TENM3: variants seen among roughly 807,000 people sequenced by gnomAD.
TENM3 encodes the protein teneurin-3.
TENM3 carries 63 observed loss-of-function variants against 255.1 expected under a neutral mutation model. The ratio of observed to expected loss-of-function variants is 0.25; its 90% CI spans 0.20 to 0.30. The LOEUF (loss-of-function observed/expected upper bound fraction) is 0.30. Among genes scored for constraint, TENM3 ranks in the 10% least tolerant of loss-of-function variants. The pLI, the probability that TENM3 is intolerant of heterozygous loss-of-function variation, is 1.00. For missense variants in TENM3, 2,929 were observed against 3,461.1 expected, an observed-to-expected ratio of 0.85 and a Z score of 3.86; for synonymous variants, 1,306 against 1,322.3, an observed-to-expected ratio of 0.99 and a Z score of 0.27.
intron 1 of TENM3, among the ~76,000 whole-genome samples, chr4:182,278,646 G>A (rs1760165194): frequency 6.8e-6 from 1 of 147,532 alleles, no homozygotes; most frequent in Non-Finnish European, 1.5e-5. Flanking sequence ...CTTTCCCAGT[G>A]CCTGAAGTCC....
chr4:182,739,942 G>A (rs1432371152), intron 18 of TENM3, among the ~76,000 whole-genome samples: 2 of 152,128 alleles, frequency 1.3e-5, no homozygotes, highest in Admixed American at 1.3e-4. Flanking sequence ...AGGCTGAGGT[G>A]GGAGAATCTC....
chr4:182,644,223 C>G (rs1514483), intron 5 of TENM3, among the ~76,000 whole-genome samples: 43,412 of 152,098 alleles, frequency 0.29, 7,536 homozygotes, highest in Non-Finnish European at 0.4. Flanking sequence ...ACCCTTCCTT[C>G]CCATCCATTT....
the TENM3 span, among the ~76,000 whole-genome samples, chr4:182,002,894 C>A: frequency 6.6e-6 from 1 of 152,006 alleles, no homozygotes; most frequent in Non-Finnish European, 1.5e-5. Context: ...AAAACACGGC[C>A]TTTATACGAA....
intron 1 of TENM3, among the ~76,000 whole-genome samples, chr4:182,172,733 A>G (rs957578933): frequency 3.3e-5 from 5 of 152,214 alleles, no homozygotes; most frequent in African/African-American, 1.2e-4. Flanking sequence ...ATATGCAAAG[A>G]CCATGTTAAA....
chr4:181,997,339 G>A, the TENM3 span, among the ~76,000 whole-genome samples: 29,613 of 152,016 alleles, frequency 0.19, 3,011 homozygotes, highest in Middle Eastern at 0.22. Context: ...ACCTTTCAAC[G>A]GAGAAGAAAA....
the TENM3 span, among the ~76,000 whole-genome samples, chr4:181,772,383 A>C: frequency 1.3e-5 from 2 of 152,164 alleles, no homozygotes; most frequent in Admixed American, 6.5e-5. Context: ...TTCTCAAAAA[A>C]AAAATGATAA....
intron 1 of TENM3, among the ~76,000 whole-genome samples, chr4:182,174,664 A>C (rs1213650597): frequency 1.3e-5 from 2 of 152,124 alleles, no homozygotes; most frequent in Non-Finnish European, 2.9e-5. Context: ...GCGTATTAGA[A>C]AATCAAGAAA....
At chr4:181,647,863 AAC>A in the TENM3 span, among the ~76,000 whole-genome samples, 2 of 152,184 alleles carry the variant, frequency 1.3e-5, no homozygotes, top group African/African-American at 4.8e-5. Flanking sequence ...ATAGGCTCTG[AAC>A]ACAGTGTCTG....
the TENM3 span, among the ~76,000 whole-genome samples, chr4:181,529,900 C>G: frequency 6.6e-6 from 1 of 152,200 alleles, no homozygotes; most frequent in Non-Finnish European, 1.5e-5. Flanking sequence ...CTCTAAAATA[C>G]AAACTTCCTA....
intron 4 of TENM3, among the ~76,000 whole-genome samples, chr4:182,623,616 C>T (rs1750514202): frequency 6.6e-6 from 1 of 152,126 alleles, no homozygotes. Flanking sequence ...AGGTGTGAGC[C>T]ACCGCACCCG....
intron 22 of TENM3, among the ~76,000 whole-genome samples, chr4:182,763,176 T>TA (rs1365402223): frequency 8.5e-5 from 13 of 152,182 alleles, no homozygotes; most frequent in Non-Finnish European, 1.9e-4. Flanking sequence ...CTGAAAAACT[T>TA]ATAGTGTATT....
At chr4:182,536,533 C>G (rs574641933) in intron 3 of TENM3, among the ~76,000 whole-genome samples, 29 of 152,308 alleles carry the variant, frequency 1.9e-4, no homozygotes, top group Middle Eastern at 6.8e-3. Flanking sequence ...TCCTGGCCGC[C>G]GCAAAAAGTA....
At chr4:182,324,661 C>A (rs529037307) in intron 2 of TENM3, among the ~76,000 whole-genome samples, 3 of 152,246 alleles carry the variant, frequency 2.0e-5, no homozygotes, top group Non-Finnish European at 4.4e-5. Context: ...GTGAAGAAAC[C>A]CATCTTTCCC....
chr4:182,671,613 C>T (rs545532206), intron 6 of TENM3, among the ~76,000 whole-genome samples: 1 of 152,262 alleles, frequency 6.6e-6, no homozygotes, highest in Non-Finnish European at 1.5e-5. Flanking sequence ...ATAGCAGAAG[C>T]TATGGAAGTC....
chr4:182,387,869 G>A (rs1228395776), intron 3 of TENM3, among the ~76,000 whole-genome samples: 1 of 149,580 alleles, frequency 6.7e-6, no homozygotes, highest in African/African-American at 2.5e-5. Flanking sequence ...CATTCTTGAA[G>A]TCAGTGAGAC....
At chr4:181,646,791 A>T in the TENM3 span, among the ~76,000 whole-genome samples, 25,570 of 152,080 alleles carry the variant, frequency 0.17, 2,564 homozygotes, top group East Asian at 0.31. Flanking sequence ...GCAGAATCAC[A>T]GTTTTTATAA....
chr4:182,104,528 T>C, the TENM3 span, among the ~76,000 whole-genome samples: 1 of 124,010 alleles, frequency 8.1e-6, no homozygotes, highest in African/African-American at 3.1e-5. Context: ...TTTTTTTTTT[T>C]TGAGACAGAG....
the TENM3 span, among the ~76,000 whole-genome samples, chr4:181,607,560 C>T: frequency 6.6e-6 from 1 of 151,742 alleles, no homozygotes; most frequent in Non-Finnish European, 1.5e-5. Context: ...GATTACCATG[C>T]CCAGCTAATA....
At chr4:181,862,178 TA>T in the TENM3 span, among the ~76,000 whole-genome samples, 1 of 152,148 alleles carries the variant, frequency 6.6e-6, no homozygotes, top group African/African-American at 2.4e-5. Context: ...TAATTAAGCT[TA>T]AAAAGGAGCA....
Sources: gnomAD v4.1 joint callset for allele counts (sites outside exome capture counted in the v4.1 genomes callset) on GRCh38, gnomAD v4.1.1 for gene constraint, MANE v1.5 for transcripts, NCBI Gene and HGNC (gene_info 2026-07-23, HGNC 2026-07-21) for gene names.